The following ZC4H2 variants were observed in gnomAD, a reference collection of about 807,000 sequenced individuals.
The protein encoded by ZC4H2 is zinc finger C4H2 domain-containing protein.
For synonymous variants in ZC4H2, 84 were observed against 66.3 expected (o/e 1.27, Z -1.30); for missense variants, 137 against 173.9 (o/e 0.79, Z 1.19).
chrX:64,988,134 T>C (rs1932230948), intron 1 of ZC4H2, among the ~76,000 whole-genome samples: 1 of 110,344 alleles, frequency 9.1e-6, no homozygotes, highest in South Asian at 3.9e-4. Flanking sequence ...CACTCTATCA[T>C]TGTTGGACAT....
At chrX:64,996,996 C>T (rs1182844762) in intron 1 of ZC4H2, among the ~76,000 whole-genome samples, 2 of 112,086 alleles carry the variant, frequency 1.8e-5, no homozygotes, top group Non-Finnish European at 3.8e-5. Flanking sequence ...ATCCCATAAG[C>T]TCAACAAATT....
chrX:64,981,150 G>A (rs1408201345), upstream of ZC4H2, among the ~76,000 whole-genome samples: 2 of 111,295 alleles, frequency 1.8e-5, no homozygotes, highest in African/African-American at 6.5e-5. Context: ...CTGATTAAGG[G>A]GAGCAGAAGT....
intron 1 of ZC4H2, among the ~76,000 whole-genome samples, chrX:64,987,384 G>A (rs2147270882): frequency 9.1e-6 from 1 of 110,324 alleles, no homozygotes; most frequent in African/African-American, 3.3e-5. Flanking sequence ...AGTATTGGTG[G>A]TGGAAAAGAC....
chrX:65,003,524 T>A (rs1466593459), intron 1 of ZC4H2, among the ~76,000 whole-genome samples: 2 of 111,148 alleles, frequency 1.8e-5, no homozygotes, highest in Non-Finnish European at 3.8e-5. Flanking sequence ...ACAAAATAGA[T>A]AGACTGCTAG....
At chrX:64,945,287 G>A (rs961677869) in intron 1 of ZC4H2, among the ~76,000 whole-genome samples, 4 of 112,433 alleles carry the variant, frequency 3.6e-5, no homozygotes, top group African/African-American at 1.3e-4. Context: ...TTATGTCGAT[G>A]TTGATGTTAT....
chrX:65,021,370 C>G (rs748338413), intron 1 of ZC4H2, among the ~76,000 whole-genome samples: 41 of 111,217 alleles, frequency 3.7e-4, no homozygotes, highest in Middle Eastern at 4.6e-3. Flanking sequence ...AAGAAACTCA[C>G]TCAAAACCTC....
intron 1 of ZC4H2, among the ~76,000 whole-genome samples, chrX:65,012,987 G>A (rs1197130011): frequency 2.7e-5 from 3 of 111,637 alleles, no homozygotes; most frequent in African/African-American, 9.8e-5. Flanking sequence ...GCCAGAACTA[G>A]TCTTATGGCC....
intron 1 of ZC4H2, among the ~76,000 whole-genome samples, chrX:65,008,972 G>A (rs1490277547): frequency 9.0e-6 from 1 of 111,675 alleles, no homozygotes. Context: ...GAATTAAAAT[G>A]TTCCTAAAAC....
At chrX:65,021,838 G>T (rs779365833) in intron 1 of ZC4H2, among the ~76,000 whole-genome samples, 1 of 111,186 alleles carries the variant, frequency 9.0e-6, no homozygotes, top group African/African-American at 3.3e-5. Context: ...AAATGATAAA[G>T]GGGATATCAC....
intron 1 of ZC4H2, among the ~76,000 whole-genome samples, chrX:64,941,376 A>G (rs1930274378): frequency 9.0e-6 from 1 of 111,522 alleles, no homozygotes; most frequent in Non-Finnish European, 1.9e-5. Context: ...CTATTTGAAT[A>G]CCATTATTTC....
At position 64,960,233 on chromosome X, in the gene ZC4H2, A is replaced by G. The variant is rs183730575; in HGVS notation, c.53+16092T>C. ...GCCATGACTCTGGGGAAGCCAAGGT[A>G]TCAAAATTTTTCAGAAAAGAGTTTT... On this transcript the variant is annotated intron_variant, in intron 1 of 4. Coordinates refer to ENST00000374839, the MANE Select transcript of ZC4H2 (RefSeq NM_018684.4). Among the ~76,000 whole-genome samples, 623 of 111,030 alleles carry G rather than the reference A, an allele frequency of 5.6e-3. 18 individuals carry two copies. The highest frequency in any genetic ancestry group is 0.052 in the Admixed American group (541 of 10,467).
intron 1 of ZC4H2, among the ~76,000 whole-genome samples, chrX:64,965,118 A>G (rs749636778): frequency 2.1e-4 from 24 of 112,023 alleles, no homozygotes; most frequent in African/African-American, 7.1e-4. Flanking sequence ...AAACTAATCT[A>G]CAGATCCAAC....
intron 1 of ZC4H2, among the ~76,000 whole-genome samples, chrX:64,965,176 G>A (rs1276021656): frequency 9.0e-6 from 1 of 111,483 alleles, no homozygotes; most frequent in African/African-American, 3.3e-5. Context: ...AACTGACAAG[G>A]GGAATCTAAA....
chrX:65,028,479 C>T (rs1602463272), intron 1 of ZC4H2, among the ~76,000 whole-genome samples: 2 of 111,428 alleles, frequency 1.8e-5, no homozygotes, highest in African/African-American at 6.5e-5. Flanking sequence ...GTCATTTCAT[C>T]TGTTTCTGTG....
chrX:65,033,194 G>T (rs1932958145), intron 1 of ZC4H2, among the ~76,000 whole-genome samples: 1 of 111,660 alleles, frequency 9.0e-6, no homozygotes, highest in Non-Finnish European at 1.9e-5. Flanking sequence ...CATCCAGCAG[G>T]GCACATTTTG....
chrX:64,997,519 G>A (rs757497462), intron 1 of ZC4H2, among the ~76,000 whole-genome samples: 3 of 112,561 alleles, frequency 2.7e-5, no homozygotes, highest in South Asian at 3.7e-4. Context: ...AGACAAACTC[G>A]TAAAAAGAAT....
At chrX:65,004,317 A>G (rs1311614396) in intron 1 of ZC4H2, among the ~76,000 whole-genome samples, 1 of 112,201 alleles carries the variant, frequency 8.9e-6, no homozygotes, top group Non-Finnish European at 1.9e-5. Context: ...ATGAACATCA[A>G]TGCAGAAAAC....
At chrX:65,004,511 G>A (rs1273188162) in intron 1 of ZC4H2, among the ~76,000 whole-genome samples, 4 of 111,688 alleles carry the variant, frequency 3.6e-5, no homozygotes, top group Non-Finnish European at 7.5e-5. Context: ...TGCAGAAAAG[G>A]CCTTTGATAA....
intron 1 of ZC4H2, among the ~76,000 whole-genome samples, chrX:64,936,463 T>G (rs1930016855): frequency 9.1e-6 from 1 of 110,415 alleles, no homozygotes; most frequent in African/African-American, 3.3e-5. Context: ...CCCCAAGACA[T>G]ATAATCATCA....
Sources: allele counts gnomAD v4.1 joint callset (sites outside exome capture counted in the v4.1 genomes callset), GRCh38; gene constraint gnomAD v4.1.1; transcripts MANE v1.5; gene names NCBI Gene and HGNC (gene_info 2026-07-23, HGNC 2026-07-21).